Variants in BCR observed in about 807,000 individuals in gnomAD.
The protein encoded by BCR is BCR activator of RhoGEF and GTPase.
A neutral mutation model predicts 138.6 loss-of-function variants in BCR; 58 were observed. That is an observed-to-expected ratio of 0.42 (90% confidence interval 0.34 to 0.52). The LOEUF (loss-of-function observed/expected upper bound fraction) is 0.52, where lower values mean the gene tolerates loss of function less well. Ranked by LOEUF, BCR falls within the 20% of genes least tolerant of loss-of-function variation. The probability of loss-of-function intolerance (pLI) is 0.06; values close to 1 mark genes in which losing one functional copy is unlikely to be tolerated. For missense variants in BCR, 1,599 were observed against 1,727.2 expected (o/e 0.93, Z 1.32); for synonymous variants, 786 against 730.1 (o/e 1.08, Z -1.23).
At chr22:23,204,163 T>C (rs1371623352) in intron 1 of BCR, among the ~76,000 whole-genome samples, 1 of 152,120 alleles carries the variant, frequency 6.6e-6, no homozygotes, top group Admixed American at 6.5e-5. Flanking sequence ...TCCGTCTTAT[T>C]TTCCAGCGCT....
Position 23,181,053 on chromosome 22 carries a change from C to T in BCR, c.93C>T (p.Ile31=). 1 of 1,519,614 alleles carries T rather than the reference C, an allele frequency of 6.6e-7. No homozygotes were observed. The highest frequency in any genetic ancestry group is 8.9e-7 in the Non-Finnish European group (1 of 1,128,122). The allele number at this position is 1,519,614 out of a possible 1,614,324, so 94.1% of individuals were successfully genotyped here. ...PRMELRSVGD[I]EQELERCKAS... ...TGGAGCTGCGCTCAGTGGGCGACAT[C>T]GAGCAGGAGCTGGAGCGCTGCAAGG... Residue 31 remains isoleucine (I), a synonymous_variant, in exon 1 of 23, where the codon ATC becomes ATT. Transcript: ENST00000305877.
intron 8 of BCR, among the ~76,000 whole-genome samples, chr22:23,274,856 C>T (rs929519253): frequency 4.2e-5 from 6 of 141,846 alleles, no homozygotes; most frequent in South Asian, 2.2e-4. Flanking sequence ...TGCAGTGAGC[C>T]GAGATCTCAC....
Position 23,264,135 on chromosome 22 carries a change from ACCCTGTACTG to A in BCR, c.1752+2598_1752+2607del, listed in dbSNP as rs551942476. Reference sequence around the variant, plus strand: ...GGAGTGGGAGGAGCCCCACAACAGCACCCTGTACTGCCTGCAGACAGATGGCAACCACTTG... The same window carrying A: ...GGAGTGGGAGGAGCCCCACAACAGCACCTGCAGACAGATGGCAACCACTTG... On this transcript the variant is annotated intron_variant, in intron 4 of 22. Coordinates refer to ENST00000305877, the MANE Select transcript of BCR (RefSeq NM_004327.4). 1.2e-3 allele frequency: 1,805 copies of A among 1,520,494 alleles called. 4 individuals carry two copies. The highest frequency in any genetic ancestry group is 1.2e-3 in the Non-Finnish European group (1,298 of 1,096,704). The allele number at this position is 1,520,494 out of a possible 1,614,324, so 94.2% of individuals were successfully genotyped here.
chr22:23,206,534 G>A (rs2072616080), intron 1 of BCR, among the ~76,000 whole-genome samples: 1 of 149,410 alleles, frequency 6.7e-6, no homozygotes, highest in Non-Finnish European at 1.5e-5. Flanking sequence ...CCGAGATTGT[G>A]CCACTGCACT....
Position 23,253,901 on chromosome 22 carries a change from C to T in BCR, c.1382C>T (p.Ser461Phe), listed in dbSNP as rs1227019042. 3 of 1,613,192 alleles carry T rather than the reference C, an allele frequency of 1.9e-6. No homozygotes were observed. The highest frequency in any genetic ancestry group is 1.3e-5 in the African/African-American group (1 of 74,910). ...DGLPYIDDSP[S>F]SSPHLSSKGR... ...CTGCCCTACATTGATGACTCGCCCT[C>T]CTCATCGCCCCACCTCAGCAGCAAG... The change falls in exon 2 of 23, where the codon TCC becomes TTC. Residue 461 changes from serine to phenylalanine, a missense_variant. Physicochemically the swap from Ser to Phe is radical, Grantham distance 155. This residue lies in a region of BCR where 590 missense variants were observed against 762.4 expected (regional missense o/e 0.77). Coordinates refer to ENST00000305877, the MANE Select transcript of BCR (RefSeq NM_004327.4).
intron 1 of BCR, among the ~76,000 whole-genome samples, chr22:23,231,703 G>C (rs1289932572): frequency 6.6e-6 from 1 of 152,180 alleles, no homozygotes; most frequent in Middle Eastern, 3.2e-3. Flanking sequence ...CTACAGGAAT[G>C]TGAAGTTCAT....
intron 13 of BCR, chr22:23,290,024 CAT>C: frequency 1.9e-6 from 1 of 520,568 alleles, no homozygotes; most frequent in South Asian, 2.1e-5. Context: ...ACACACACAG[CAT>C]ACGCTATGCA....
chr22:23,282,295 T>TGCCGTCACCAGGCA (rs2073655440), intron 8 of BCR, among the ~76,000 whole-genome samples: 1 of 152,230 alleles, frequency 6.6e-6, no homozygotes. Context: ...TTCCCGTGGG[T>TGCCGTCACCAGGCA]GCCGTCACCA....
At chr22:23,230,052 C>CTCT (rs1555877034) in intron 1 of BCR, among the ~76,000 whole-genome samples, 1 of 145,944 alleles carries the variant, frequency 6.9e-6, no homozygotes, top group Admixed American at 6.8e-5. Flanking sequence ...CTGTTTGGTT[C>CTCT]TTTTTTTTTT....
chr22:23,183,454 TC>T (rs1320549229), intron 1 of BCR, among the ~76,000 whole-genome samples: 2 of 152,238 alleles, frequency 1.3e-5, no homozygotes, highest in Admixed American at 6.5e-5. Context: ...GTTAGGTACT[TC>T]CAGTTACTGA....
Position 23,203,194 on chromosome 22 carries a change from A to T in BCR, c.1279+20955A>T, listed in dbSNP as rs117890375. ...TACCTTTTTATATGAGTTTCTGCCC[A>T]TGATGGGGTGGGCCTCTGTCACTGG... On this transcript the variant is annotated intron_variant, in intron 1 of 22. Transcript: ENST00000305877. Among the ~76,000 whole-genome samples the T allele has an allele frequency of 9.9e-3, 1,510 of 152,260 alleles. 21 individuals carry two copies. Among genetic ancestry groups the T allele is most frequent in the South Asian group, 0.049 (235 of 4,824 alleles).
At chr22:23,262,768 G>A (rs993217080) in intron 4 of BCR, 11 of 940,650 alleles carry the variant, frequency 1.2e-5, no homozygotes, top group Non-Finnish European at 1.4e-5. Context: ...GGAGGGTGAC[G>A]AGGGGGAAGC....
intron 1 of BCR, among the ~76,000 whole-genome samples, chr22:23,212,752 G>A (rs1405852772): frequency 1.3e-5 from 2 of 152,226 alleles, no homozygotes; most frequent in Non-Finnish European, 2.9e-5. Flanking sequence ...GATGGAGAGG[G>A]CATTTATGAC....
At chr22:23,193,007 C>CAG (rs909399998) in intron 1 of BCR, among the ~76,000 whole-genome samples, 6 of 151,970 alleles carry the variant, frequency 3.9e-5, no homozygotes, top group Non-Finnish European at 8.8e-5. Context: ...GCAGCAGCCA[C>CAG]AGAGAGAGAG....
chr22:23,309,266 C>G (rs951883803), intron 16 of BCR, among the ~76,000 whole-genome samples, 158 bp from the exon 17 acceptor site: 3 of 152,180 alleles, frequency 2.0e-5, no homozygotes, highest in Admixed American at 1.3e-4. Context: ...GCAGGCCCCT[C>G]CTTACTCTAC....
At chr22:23,219,351 A>G (rs2072795547) in intron 1 of BCR, among the ~76,000 whole-genome samples, 1 of 152,098 alleles carries the variant, frequency 6.6e-6, no homozygotes, top group Non-Finnish European at 1.5e-5. Context: ...TTTTAGCACA[A>G]AGCCTCCCCC....
intron 1 of BCR, among the ~76,000 whole-genome samples, chr22:23,237,400 TG>T (rs1406819590): frequency 1.3e-5 from 2 of 152,116 alleles, no homozygotes; most frequent in Non-Finnish European, 1.5e-5. Flanking sequence ...GAGTAACAGG[TG>T]GGATCTGGAC....
chr22:23,315,080 C>T (rs1488386592), intron 22 of BCR, among the ~76,000 whole-genome samples: 1 of 152,162 alleles, frequency 6.6e-6, no homozygotes, highest in African/African-American at 2.4e-5. Flanking sequence ...AAAAATTAGC[C>T]AGGCATTGTG....
At chr22:23,261,172 C>G (rs2073351966) in intron 3 of BCR, 118 bp downstream of exon 3, 5 of 1,239,030 alleles carry the variant, frequency 4.0e-6, no homozygotes, top group Non-Finnish European at 4.6e-6. Flanking sequence ...CTCGCCATCC[C>G]TGGAGTGGAT....
Sources: allele counts gnomAD v4.1 joint callset (sites outside exome capture counted in the v4.1 genomes callset), GRCh38; gene constraint gnomAD v4.1.1; regional missense constraint gnomAD v4.1.1; transcripts MANE v1.5; gene names NCBI Gene and HGNC (gene_info 2026-07-23, HGNC 2026-07-21).